The following ARPC1B variants were observed in gnomAD, a reference collection of about 807,000 sequenced individuals.
ARPC1B encodes actin-related protein 2/3 complex subunit 1B.
Under a neutral mutation model 46.0 loss-of-function variants are expected in ARPC1B, and 29 were observed. The observed-to-expected ratio is 0.63, with a 90% CI of 0.47 to 0.86. The LOEUF (loss-of-function observed/expected upper bound fraction) is 0.86. ARPC1B is among the 40% of genes least tolerant of loss of function. The probability of loss-of-function intolerance (pLI) is 0.00; values close to 1 mark genes in which losing one functional copy is unlikely to be tolerated. For missense variants in ARPC1B, 469 were observed against 529.4 expected (o/e 0.89, Z 1.12); for synonymous variants, 201 against 213.9 (o/e 0.94, Z 0.53).
rs773724710 is a variant in ARPC1B at position 99,388,135 on chromosome 7, C to A, written c.266C>A (p.Thr89Lys). ...CTGAAGGGCCGCACATGGAAGCCCA[C>A]GCTGGTCATCCTGCGGATCAACCGG... ...WTLKGRTWKP[T>K]LVILRINRAA... Residue 89 changes from threonine to lysine, a missense_variant, in exon 4 of 10, where the codon ACG (threonine) becomes AAG (lysine). Transcript: ENST00000646101. 1.2e-6 allele frequency: 2 copies of A among 1,614,064 alleles called. No individual in the cohort carries two copies. The highest frequency in any genetic ancestry group is 8.5e-7 in the Non-Finnish European group (1 of 1,180,032).
At chr7:99,394,005 A>G (rs377242844) in intron 8 of ARPC1B, 24 bp from the exon 9 acceptor site, 13 of 1,610,640 alleles carry the variant, frequency 8.1e-6, no homozygotes, top group African/African-American at 5.3e-5. Flanking sequence ...GGTTGAATTC[A>G]TAAGCTCCTC....
chr7:99,391,377 A>T, intron 7 of ARPC1B, 124 bp downstream of exon 7: 1 of 1,027,928 alleles, frequency 9.7e-7, no homozygotes, highest in African/African-American at 1.6e-5. Context: ...GCATTCTCTC[A>T]TGTACCAGAA....
At chr7:99,386,561 G>A in intron 2 of ARPC1B, 124 bp from the exon 3 acceptor site, 1 of 857,796 alleles carries the variant, frequency 1.2e-6, no homozygotes, top group East Asian at 2.4e-5. Context: ...GCCCCTGCAA[G>A]GCAGAAGAGG....
chr7:99,377,199 G>T (rs910489251), intron 1 of ARPC1B: 1 of 152,046 alleles, frequency 6.6e-6, no homozygotes, highest in Non-Finnish European at 1.5e-5. Flanking sequence ...GGGTTTTGCT[G>T]TGTTGTCCAG....
In ARPC1B at chr7:99,394,084, G is replaced by A. The variant is rs775287000; in HGVS notation, c.1045G>A (p.Gly349Ser). 18 of 1,613,564 alleles carry A rather than the reference G, an allele frequency of 1.1e-5. No homozygotes were observed. In the South Asian group the frequency reaches 1.8e-4, roughly 16 times the overall value. ...KAKCSQFCTT[G>S]MDGGMSIWDV... ...CAAGTGCTCGCAGTTCTGCACCACT[G>A]GCATGGATGGCGGCATGAGTATCTG... The change falls in exon 9 of 10, where the codon GGC (glycine) becomes AGC (serine). Residue 349 changes from glycine (G) to serine (S), a missense_variant. Physicochemically the swap from Gly to Ser is moderately conservative, Grantham distance 56. Coordinates refer to ENST00000646101, the MANE Select transcript of ARPC1B (RefSeq NM_005720.4).
intron 1 of ARPC1B, among the ~76,000 whole-genome samples, chr7:99,375,874 C>T (rs1794019606): frequency 6.6e-6 from 1 of 151,974 alleles, no homozygotes; most frequent in African/African-American, 2.4e-5. Flanking sequence ...CTAGCCTGAC[C>T]GACATGGTGA....
intron 1 of ARPC1B, among the ~76,000 whole-genome samples, chr7:99,381,251 G>A (rs1432576367): frequency 6.6e-6 from 1 of 152,234 alleles, no homozygotes; most frequent in African/African-American, 2.4e-5. Context: ...CACGTGCAAA[G>A]TGTGCTTGTG....
At position 99,394,625 on chromosome 7, in the gene ARPC1B, G is replaced by A. The variant is rs1160681287; in HGVS notation, c.*136G>A. On this transcript the variant is annotated 3_prime_UTR_variant, in exon 10 of 10. Coordinates refer to ENST00000646101, the MANE Select transcript of ARPC1B (RefSeq NM_005720.4). ...CATAGGGGCTGCTCCCTCAAAAAGG[G>A]AGGGGACAGATGGGGAGCTTTTCTT... 1.3e-6 allele frequency: 2 copies of A among 1,496,508 alleles called. No homozygotes were observed. Among genetic ancestry groups the A allele is most frequent in the South Asian group, 2.6e-5 (2 of 76,770 alleles). 92.7% of individuals were successfully genotyped at this position (1,496,508 alleles called of 1,614,324 possible). A position where few individuals can be genotyped will look rare whatever the true frequency, so the allele number is the denominator to read the frequency against.
chr7:99,385,663 G>A (rs1794367375), intron 1 of ARPC1B, 39 bp from the exon 2 acceptor site: 1 of 1,563,292 alleles, frequency 6.4e-7, no homozygotes, highest in East Asian at 2.3e-5. Context: ...GGGCAAGGTT[G>A]GGGCTGACGT....
In ARPC1B at chr7:99,388,276, A is replaced by G; in HGVS notation, c.392+15A>G. 1 of 1,612,356 alleles carries G rather than the reference A, an allele frequency of 6.2e-7. No individual in the cohort carries two copies. On this transcript the variant is annotated intron_variant, in intron 4 of 9. Transcript: ENST00000646101. The stretch of plus-strand genomic sequence containing the variant: ...GAGAATGACTGGTGGGTACCTAGGC[A>G]GGGCCAGAGTGGGCTGTTAGGGACC...
chr7:99,392,274 A>C, intron 7 of ARPC1B: 1 of 193,162 alleles, frequency 5.2e-6, no homozygotes, highest in Non-Finnish European at 1.1e-5. Flanking sequence ...GGTGTCCAGG[A>C]AGGGCACTGC....
chr7:99,391,280 T>G (rs375752684), intron 7 of ARPC1B, 27 bp downstream of exon 7: 6 of 1,609,072 alleles, frequency 3.7e-6, no homozygotes, highest in Non-Finnish European at 4.2e-6. Context: ...GGAGGGAGGG[T>G]GTGTGGTCAC....
chr7:99,377,623 C>G (rs1794065819), intron 1 of ARPC1B, among the ~76,000 whole-genome samples: 1 of 149,734 alleles, frequency 6.7e-6, no homozygotes, highest in African/African-American at 2.4e-5. Context: ...TCTTCTTCTT[C>G]TTCTTCTTCT....
Position 99,393,909 on chromosome 7 carries a change from C to G in ARPC1B, c.990-120C>G, listed in dbSNP as rs961370359. ...ACTGACTTCTAAGCCCACTACACCCCCTCGGTACTTCTCACTAAAGCCCGC... is the reference window on the plus strand; with the variant it reads ...ACTGACTTCTAAGCCCACTACACCCGCTCGGTACTTCTCACTAAAGCCCGC... On this transcript the variant is annotated intron_variant, in intron 8 of 9. Transcript: ENST00000646101. 3.9e-5 allele frequency: 37 copies of G among 958,360 alleles called. No individual in the cohort carries two copies. In the African/African-American group the frequency reaches 5.3e-4, roughly 14 times the overall value. The allele number at this position is 958,360 out of a possible 1,614,324, so 59.4% of individuals were successfully genotyped here.
chr7:99,384,504 C>T (rs1794318897), intron 1 of ARPC1B, among the ~76,000 whole-genome samples: 4 of 152,184 alleles, frequency 2.6e-5, no homozygotes, highest in African/African-American at 9.6e-5. Flanking sequence ...GCCATGATCA[C>T]ACCACTGCAC....
chr7:99,382,809 T>A (rs187480618), intron 1 of ARPC1B, among the ~76,000 whole-genome samples: 60 of 150,608 alleles, frequency 4.0e-4, no homozygotes, highest in African/African-American at 1.5e-3. Context: ...TTATTATTTT[T>A]AAGTTATTTT....
intron 1 of ARPC1B, among the ~76,000 whole-genome samples, chr7:99,378,764 T>TTTTCTG (rs1794107027): frequency 7.6e-6 from 1 of 130,936 alleles, no homozygotes; most frequent in African/African-American, 4.1e-5. Context: ...AGAATGTTAA[T>TTTTCTG]TTTCTTTTTC....
Position 99,374,905 on chromosome 7 carries a change from A to AG in ARPC1B, c.-14+128dup, listed in dbSNP as rs1793986481. On this transcript the variant is annotated intron_variant, in intron 1 of 9. Coordinates refer to ENST00000646101, the MANE Select transcript of ARPC1B (RefSeq NM_005720.4). The surrounding 1 kb of genome is among the most constrained non-coding windows in gnomAD (Gnocchi z 5.0). ...TGGAGGGATGAGAGGGGGTGCAAGGAGGGGACCGGGGGGCGCCTGGAAGTG... is the reference window on the plus strand; with the variant it reads ...TGGAGGGATGAGAGGGGGTGCAAGGAGGGGGACCGGGGGGCGCCTGGAAGTG... 1 of 106,868 alleles carries AG rather than the reference A, an allele frequency of 9.4e-6. No homozygotes were observed. The highest frequency in any genetic ancestry group is 3.7e-5 in the African/African-American group (1 of 26,872). 6.6% of individuals were successfully genotyped at this position (106,868 alleles called of 1,614,324 possible).
At chr7:99,388,984 T>G (rs540496662) in intron 4 of ARPC1B, 1 of 146,310 alleles carries the variant, frequency 6.8e-6, no homozygotes, top group Admixed American at 6.9e-5. Flanking sequence ...TCGTCCAGGC[T>G]GGAGTGCAGT....
Sources: gnomAD v4.1 joint callset for allele counts (sites outside exome capture counted in the v4.1 genomes callset) on GRCh38, gnomAD v4.1.1 for gene constraint, Gnocchi (gnomAD v3.1) non-coding constraint, MANE v1.5 for transcripts, NCBI Gene and HGNC (gene_info 2026-07-23, HGNC 2026-07-21) for gene names.